WWOX: variants seen among roughly 807,000 people sequenced by gnomAD.
WWOX encodes WW domain containing oxidoreductase, also known as WW domain-containing oxidoreductase.
In WWOX, 69 loss-of-function variants were observed where a neutral mutation model predicts 46.2. That is an observed-to-expected ratio of 1.49 (90% CI 1.23 to 1.82). The LOEUF (loss-of-function observed/expected upper bound fraction) is 1.82. Among genes scored for constraint, WWOX ranks in the 40% most tolerant of loss-of-function variants. The pLI is 0.00. For synonymous variants in WWOX, 359 were observed against 202.6 expected (o/e 1.77, Z -6.56); for missense variants, 919 against 542.6 (o/e 1.69, Z -6.89).
At chr16:78,150,673 G>C (rs1159913327) in intron 4 of WWOX, among the ~76,000 whole-genome samples, 13 of 152,196 alleles carry the variant, frequency 8.5e-5, no homozygotes, top group South Asian at 6.2e-4. Flanking sequence ...GTGAGCCACT[G>C]TGCCTCTCCA....
chr16:78,386,343 C>T (rs922875466), intron 5 of WWOX, among the ~76,000 whole-genome samples: 5 of 152,090 alleles, frequency 3.3e-5, no homozygotes, highest in Admixed American at 1.3e-4. Context: ...CCTTTGGGAT[C>T]GAGGTCCGTC....
chr16:78,632,197 CCT>C (rs1456503659), intron 8 of WWOX, among the ~76,000 whole-genome samples: 20 of 152,092 alleles, frequency 1.3e-4, no homozygotes, highest in African/African-American at 2.4e-4. Flanking sequence ...GCAGAATGCC[CCT>C]GTCTTTCTGA....
intron 8 of WWOX, among the ~76,000 whole-genome samples, chr16:79,103,640 T>C (rs1597378427): frequency 6.6e-6 from 1 of 152,170 alleles, no homozygotes; most frequent in African/African-American, 2.4e-5. Flanking sequence ...TCTTAACAAA[T>C]CCAGTAACAT....
At chr16:78,723,901 C>T (rs1440555721) in intron 8 of WWOX, among the ~76,000 whole-genome samples, 1 of 152,146 alleles carries the variant, frequency 6.6e-6, no homozygotes, top group Non-Finnish European at 1.5e-5. Context: ...GCCCCAAAGA[C>T]AGTCTAGTTT....
intron 8 of WWOX, among the ~76,000 whole-genome samples, chr16:79,132,563 A>C (rs1019777626): frequency 6.6e-6 from 1 of 152,020 alleles, no homozygotes; most frequent in African/African-American, 2.4e-5. Flanking sequence ...GATAGCAGCA[A>C]CCTTTCCATT....
At chr16:78,813,664 G>A (rs541948660) in intron 8 of WWOX, among the ~76,000 whole-genome samples, 5 of 152,098 alleles carry the variant, frequency 3.3e-5, no homozygotes, top group African/African-American at 7.2e-5. Flanking sequence ...GCAACAAAAG[G>A]CCTCCTTTGA....
chr16:78,596,133 T>G (rs1201359352), intron 8 of WWOX, among the ~76,000 whole-genome samples: 2 of 152,152 alleles, frequency 1.3e-5, no homozygotes, highest in Non-Finnish European at 2.9e-5. Context: ...CTTATTTTTT[T>G]AATGTGAAAG....
chr16:78,832,361 G>A (rs1432596346), intron 8 of WWOX, among the ~76,000 whole-genome samples: 1 of 152,230 alleles, frequency 6.6e-6, no homozygotes, highest in African/African-American at 2.4e-5. Context: ...GGCCTTTTAA[G>A]CCCCATTCTT....
chr16:78,927,534 G>C (rs1338282935), intron 8 of WWOX, among the ~76,000 whole-genome samples: 1 of 152,180 alleles, frequency 6.6e-6, no homozygotes, highest in Non-Finnish European at 1.5e-5. Context: ...ATAGATATTT[G>C]ATAAATGGAT....
intron 8 of WWOX, among the ~76,000 whole-genome samples, chr16:79,051,215 G>A (rs1005672011): frequency 6.6e-6 from 1 of 152,222 alleles, no homozygotes; most frequent in Non-Finnish European, 1.5e-5. Flanking sequence ...GGAGTAAAGT[G>A]TTGCCTTGCT....
At chr16:78,789,107 C>G (rs969578870) in intron 8 of WWOX, among the ~76,000 whole-genome samples, 2 of 151,994 alleles carry the variant, frequency 1.3e-5, no homozygotes, top group Admixed American at 1.3e-4. Flanking sequence ...TTGTCAAATC[C>G]AAGGTCATGA....
chr16:78,454,470 C>T (rs375119511), intron 8 of WWOX, among the ~76,000 whole-genome samples: 10 of 150,108 alleles, frequency 6.7e-5, no homozygotes, highest in African/African-American at 2.2e-4. Flanking sequence ...TTTTTTTCCC[C>T]TAGGTTGTGT....
chr16:79,035,576 T>G (rs1485537424), intron 8 of WWOX, among the ~76,000 whole-genome samples: 1 of 152,054 alleles, frequency 6.6e-6, no homozygotes, highest in African/African-American at 2.4e-5. Context: ...TCTCACTCTA[T>G]CATCCAGGCT....
intron 4 of WWOX, among the ~76,000 whole-genome samples, chr16:78,125,378 T>C (rs1567585759): frequency 6.6e-6 from 1 of 152,120 alleles, no homozygotes; most frequent in Non-Finnish European, 1.5e-5. Context: ...TTGGGAGGAA[T>C]AACAGCACAC....
chr16:78,252,378 A>G (rs148955588), intron 5 of WWOX, among the ~76,000 whole-genome samples: 36 of 152,334 alleles, frequency 2.4e-4, no homozygotes, highest in African/African-American at 8.4e-4. Context: ...TAAAATTGAC[A>G]AGTTAGCTTG....
intron 5 of WWOX, among the ~76,000 whole-genome samples, chr16:78,319,226 T>G (rs1420717893): frequency 6.6e-6 from 1 of 151,926 alleles, no homozygotes; most frequent in Non-Finnish European, 1.5e-5. Context: ...GAAAAGGCAA[T>G]GAGATGGATT....
At chr16:78,965,229 A>G (rs888931999) in intron 8 of WWOX, among the ~76,000 whole-genome samples, 6 of 152,220 alleles carry the variant, frequency 3.9e-5, no homozygotes, top group African/African-American at 1.4e-4. Context: ...CAATAGTAAC[A>G]ATTCCACAGA....
chr16:79,122,267 C>CA (rs1567564378), intron 8 of WWOX, among the ~76,000 whole-genome samples: 1 of 151,848 alleles, frequency 6.6e-6, no homozygotes, highest in Non-Finnish European at 1.5e-5. Context: ...TAGGCTGAGC[C>CA]AAAAAAGAAA....
intron 8 of WWOX, among the ~76,000 whole-genome samples, chr16:78,973,315 C>T (rs1310620469): frequency 6.6e-6 from 1 of 152,080 alleles, no homozygotes; most frequent in Admixed American, 6.6e-5. Flanking sequence ...CTTATGTTCC[C>T]TAGTGGAGAC....
Sources: allele counts gnomAD v4.1 joint callset (sites outside exome capture counted in the v4.1 genomes callset), GRCh38; gene constraint gnomAD v4.1.1; transcripts MANE v1.5; gene names NCBI Gene and HGNC (gene_info 2026-07-23, HGNC 2026-07-21).